Variants in CDK14 observed in about 807,000 individuals in gnomAD.
The protein encoded by CDK14 is cyclin-dependent kinase 14.
Under a neutral mutation model 60.7 loss-of-function variants are expected in CDK14, and 34 were observed. That is an observed-to-expected ratio of 0.56 (90% CI 0.43 to 0.75). CDK14 has a LOEUF of 0.75. CDK14 is among the 30% of genes least tolerant of loss of function. The pLI, the probability that CDK14 is intolerant of heterozygous loss-of-function variation, is 0.00. For synonymous variants in CDK14, 197 were observed against 203.7 expected (o/e 0.97, Z 0.28); for missense variants, 482 against 564.1 (o/e 0.85, Z 1.47).
At chr7:90,973,871 C>T (rs1348089201) in intron 9 of CDK14, among the ~76,000 whole-genome samples, 1 of 152,118 alleles carries the variant, frequency 6.6e-6, no homozygotes, top group African/African-American at 2.4e-5. Context: ...ACTGTGCACG[C>T]ATTGTCTTGA....
At chr7:91,036,315 T>C (rs906361901) in intron 10 of CDK14, among the ~76,000 whole-genome samples, 1 of 152,184 alleles carries the variant, frequency 6.6e-6, no homozygotes, top group Non-Finnish European at 1.5e-5. Flanking sequence ...GTTCCTTGCC[T>C]TCAGGCCTTC....
At chr7:90,974,323 G>A (rs1261376905) in intron 9 of CDK14, among the ~76,000 whole-genome samples, 1 of 151,948 alleles carries the variant, frequency 6.6e-6, no homozygotes, top group African/African-American at 2.4e-5. Context: ...CAAACAATTT[G>A]TACAGTTAAC....
chr7:90,856,279 A>G (rs369910296), intron 5 of CDK14, among the ~76,000 whole-genome samples: 1 of 152,318 alleles, frequency 6.6e-6, no homozygotes, highest in East Asian at 1.9e-4. Context: ...TCTTTCCTCC[A>G]TAACCCACAG....
chr7:90,756,801 T>C (rs1011432009), intron 4 of CDK14, among the ~76,000 whole-genome samples: 1 of 152,250 alleles, frequency 6.6e-6, no homozygotes, highest in Non-Finnish European at 1.5e-5. Flanking sequence ...TCTTTAAACA[T>C]AATCTTTTGC....
At chr7:90,920,783 C>G (rs931439159) in intron 8 of CDK14, among the ~76,000 whole-genome samples, 2 of 152,140 alleles carry the variant, frequency 1.3e-5, no homozygotes, top group South Asian at 2.1e-4. Flanking sequence ...TTAAAGAACA[C>G]TTTGTCATTT....
intron 5 of CDK14, among the ~76,000 whole-genome samples, chr7:90,801,721 T>C (rs1463401803): frequency 6.6e-6 from 1 of 152,160 alleles, no homozygotes; most frequent in Admixed American, 6.5e-5. Context: ...TTTATCCAGA[T>C]ACATCTTTTT....
At chr7:91,152,187 A>T (rs752236911) in intron 14 of CDK14, among the ~76,000 whole-genome samples, 2 of 152,212 alleles carry the variant, frequency 1.3e-5, no homozygotes, top group Non-Finnish European at 2.9e-5. Flanking sequence ...CTCCATAGAA[A>T]CATAGCAACT....
At chr7:90,999,736 A>G (rs1214513068) in intron 10 of CDK14, among the ~76,000 whole-genome samples, 1 of 152,214 alleles carries the variant, frequency 6.6e-6, no homozygotes, top group African/African-American at 2.4e-5. Context: ...AGCTGTGTCA[A>G]CATTACTTCA....
intron 5 of CDK14, among the ~76,000 whole-genome samples, chr7:90,815,737 A>G (rs890750882): frequency 3.3e-5 from 5 of 152,266 alleles, no homozygotes; most frequent in African/African-American, 9.6e-5. Flanking sequence ...CTATGCAGCC[A>G]TAAAAAAGAA....
chr7:91,149,112 C>T (rs1040463795), intron 14 of CDK14, among the ~76,000 whole-genome samples: 3 of 152,044 alleles, frequency 2.0e-5, no homozygotes, highest in Non-Finnish European at 4.4e-5. Context: ...AGCAAAAGGT[C>T]CATATCAAGA....
At chr7:90,900,072 T>C (rs73225039) in intron 7 of CDK14, among the ~76,000 whole-genome samples, 2,933 of 152,260 alleles carry the variant, frequency 0.019, 44 homozygotes, top group South Asian at 0.045. Context: ...CTCAATTTCT[T>C]CCCATTTGTT....
At chr7:91,086,725 C>T (rs1406463991) in intron 12 of CDK14, among the ~76,000 whole-genome samples, 2 of 151,928 alleles carry the variant, frequency 1.3e-5, no homozygotes, top group Non-Finnish European at 1.5e-5. Context: ...TGAAAACTAC[C>T]ACATTTTACA....
At chr7:90,611,266 C>A (rs1799532929) in intron 2 of CDK14, among the ~76,000 whole-genome samples, 1 of 152,206 alleles carries the variant, frequency 6.6e-6, no homozygotes, top group African/African-American at 2.4e-5. Context: ...AGTTTTCATG[C>A]TCTGATTGAG....
chr7:91,022,784 G>C (rs1015980132), intron 10 of CDK14, among the ~76,000 whole-genome samples: 1 of 152,084 alleles, frequency 6.6e-6, no homozygotes. Context: ...TGACCAGAAT[G>C]AATCTGCTTT....
At chr7:90,660,416 A>G (rs1360971698) in intron 2 of CDK14, among the ~76,000 whole-genome samples, 2 of 152,184 alleles carry the variant, frequency 1.3e-5, no homozygotes, top group Non-Finnish European at 2.9e-5. Flanking sequence ...GGGAATAATA[A>G]TATTGCCTAC....
chr7:90,777,378 A>C (rs1805093317), intron 4 of CDK14, among the ~76,000 whole-genome samples: 1 of 152,260 alleles, frequency 6.6e-6, no homozygotes, highest in Admixed American at 6.5e-5. Context: ...TTTATAGTAA[A>C]AAGGCGACTT....
intron 5 of CDK14, among the ~76,000 whole-genome samples, chr7:90,861,306 A>G (rs1274457311): frequency 6.6e-6 from 1 of 152,166 alleles, no homozygotes; most frequent in Non-Finnish European, 1.5e-5. Context: ...TACTCCTCCA[A>G]AAGTCATAAA....
intron 6 of CDK14, among the ~76,000 whole-genome samples, chr7:90,878,037 T>C (rs1279116983): frequency 1.3e-5 from 2 of 151,698 alleles, no homozygotes; most frequent in Middle Eastern, 3.4e-3. Context: ...ATATGGTAAT[T>C]TTCATAGAAT....
intron 5 of CDK14, among the ~76,000 whole-genome samples, chr7:90,807,236 C>T (rs947898032): frequency 9.2e-5 from 14 of 152,190 alleles, no homozygotes; most frequent in African/African-American, 2.9e-4. Flanking sequence ...CAGACTGACA[C>T]CTCACATGGC....
Sources: gnomAD v4.1 joint callset for allele counts (sites outside exome capture counted in the v4.1 genomes callset) on GRCh38, gnomAD v4.1.1 for gene constraint, MANE v1.5 for transcripts, NCBI Gene and HGNC (gene_info 2026-07-23, HGNC 2026-07-21) for gene names.